Variants in MED16 observed in about 807,000 individuals in gnomAD.
MED16 encodes mediator of RNA polymerase II transcription subunit 16.
A neutral mutation model predicts 84.4 loss-of-function variants in MED16; 81 were observed. That is an observed-to-expected ratio of 0.96 (90% CI 0.80 to 1.15). MED16 has a LOEUF of 1.15. Among genes scored for constraint, MED16 ranks in the 50% most tolerant of loss-of-function variants. The pLI, the probability that MED16 is intolerant of heterozygous loss-of-function variation, is 0.00. For synonymous variants in MED16, 897 were observed against 552.2 expected (o/e 1.62, Z -8.76); for missense variants, 1,585 against 1,245.9 (o/e 1.27, Z -4.10).
chr19:871,540 A>G (rs2036055580), intron 12 of MED16: 1 of 1,580,442 alleles, frequency 6.3e-7, no homozygotes, highest in South Asian at 1.1e-5. Flanking sequence ...ACTGGGATGT[A>G]AGAATGACAC....
Position 868,485 on chromosome 19 carries a change from G to GT in MED16, c.2413dup (p.Thr805AsnfsTer27). 10 of 1,610,734 alleles carry GT rather than the reference G, an allele frequency of 6.2e-6. No individual in the cohort carries two copies. The highest frequency in any genetic ancestry group is 8.5e-6 in the Non-Finnish European group (10 of 1,179,850). On this transcript the variant is annotated frameshift_variant, in exon 15 of 16. Transcript: ENST00000325464. LOFTEE classifies it high-confidence loss of function. ...GGTTCTGTTGGGCGACTTGAGCATG[G>GT]TGACACAGCCGCACCTGCGGGGAGG... is the stretch of plus-strand genomic sequence containing the variant.
chr19:882,229 C>T lies in MED16; in HGVS notation c.986-515G>A, dbSNP rs1051572847. Among the ~76,000 whole-genome samples the T allele has an allele frequency of 7.9e-5, 12 of 152,350 alleles. No homozygotes were observed. In the South Asian group the frequency reaches 2.1e-3, roughly 26 times the overall value. The stretch of plus-strand genomic sequence containing the variant: ...CAAGCCTTAGCAAATGTGACATGGC[C>T]GGGCACAGCAGCTCACATCTGCCAC... On this transcript the variant is annotated intron_variant, in intron 6 of 15. Coordinates refer to ENST00000325464, the MANE Select transcript of MED16 (RefSeq NM_005481.3).
intron 11 of MED16, 59 bp downstream of exon 11, chr19:873,390 G>T (rs1233430903): frequency 2.6e-5 from 41 of 1,547,452 alleles, no homozygotes; most frequent in Non-Finnish European, 3.3e-5. Flanking sequence ...GGGAAGCGGG[G>T]TCCTGATGAG....
In MED16 at chr19:872,171, G is replaced by C. The variant is rs929826161; in HGVS notation, c.1906-53C>G. 2.0e-6 allele frequency: 3 copies of C among 1,502,830 alleles called. No individual in the cohort carries two copies. The African/African-American group carries it at 4.2e-5, about 21-fold the overall frequency. 93.1% of individuals were successfully genotyped at this position (1,502,830 alleles called of 1,614,324 possible). On this transcript the variant is annotated intron_variant, in intron 11 of 15. Coordinates refer to ENST00000325464, the MANE Select transcript of MED16 (RefSeq NM_005481.3). ...GGGGCGGCGGGGGGCAGATGGCGAT[G>C]GGATGAAGTGTCTTGGGGTCGGTGG... is the stretch of plus-strand genomic sequence containing the variant.
At chr19:878,182 C>G (rs2036308353) in intron 8 of MED16, among the ~76,000 whole-genome samples, 1 of 145,356 alleles carries the variant, frequency 6.9e-6, no homozygotes, top group Non-Finnish European at 1.5e-5. Flanking sequence ...CCCACCGAGC[C>G]CAGCCCCACG....
chr19:871,796 GAA>G (rs1394432047), intron 12 of MED16, 128 bp downstream of exon 12: 9 of 295,740 alleles, frequency 3.0e-5, no homozygotes, highest in Non-Finnish European at 5.5e-5. Context: ...AGAGCGGGGA[GAA>G]GGGAGAGCGG....
chr19:868,584 TC>T, intron 14 of MED16, 85 bp from the exon 15 acceptor site: 1 of 1,540,978 alleles, frequency 6.5e-7, no homozygotes, highest in South Asian at 1.2e-5. Flanking sequence ...CAGGCAGGTC[TC>T]CCTCTGCTCG....
intron 10 of MED16, among the ~76,000 whole-genome samples, chr19:874,715 A>C (rs1203051921): frequency 6.6e-6 from 1 of 152,044 alleles, no homozygotes; most frequent in Non-Finnish European, 1.5e-5. Context: ...CTGTTGCTAC[A>C]AAAAATTAAA....
At chr19:874,089 A>AACC (rs1401851469) in intron 10 of MED16, among the ~76,000 whole-genome samples, 1 of 152,100 alleles carries the variant, frequency 6.6e-6, no homozygotes, top group East Asian at 1.9e-4. Flanking sequence ...GTCCACACTC[A>AACC]ACCGGGTACT....
intron 9 of MED16, 46 bp from the exon 10 acceptor site, chr19:875,500 G>T: frequency 6.9e-7 from 1 of 1,456,760 alleles, no homozygotes; most frequent in Non-Finnish European, 9.3e-7. Flanking sequence ...GAGCAGAGGC[G>T]CCCGCCAAGG....
chr19:889,378 C>T (rs952371918), intron 4 of MED16, among the ~76,000 whole-genome samples: 8 of 152,172 alleles, frequency 5.3e-5, no homozygotes, highest in South Asian at 2.1e-4. Context: ...CGGCCACCCT[C>T]AGTTAAATGA....
At chr19:868,564 C>T in intron 14 of MED16, 65 bp from the exon 15 acceptor site, 1 of 1,580,850 alleles carries the variant, frequency 6.3e-7, no homozygotes, top group Non-Finnish European at 8.5e-7. Context: ...GCCTGCCCCA[C>T]TTTTGCTTCC....
chr19:891,141 C>T lies in MED16; in HGVS notation c.-10G>A, dbSNP rs2036623505. 2.5e-6 allele frequency: 4 copies of T among 1,608,814 alleles called. No homozygotes were observed. The South Asian group carries it at 3.3e-5, about 13-fold the overall frequency. ...GCCGCAAATCACACATGAGGGCAGTCACCAGCTCCTGCGGGAGGGAGGTGT... is the reference window on the plus strand; with the variant it reads ...GCCGCAAATCACACATGAGGGCAGTTACCAGCTCCTGCGGGAGGGAGGTGT... On this transcript the variant is annotated 5_prime_UTR_variant, in exon 2 of 16. Coordinates refer to ENST00000325464, the MANE Select transcript of MED16 (RefSeq NM_005481.3).
chr19:868,241 C>G lies in MED16; in HGVS notation c.2494G>C (p.Gly832Arg). 1 of 1,595,900 alleles carries G rather than the reference C, an allele frequency of 6.3e-7. No individual in the cohort carries two copies. Among genetic ancestry groups the G allele is most frequent in the African/African-American group, 1.3e-5 (1 of 74,750 alleles). The change falls in exon 16 of 16, where the codon GGC (glycine) becomes CGC (arginine). Residue 832 changes from glycine (G) to arginine (R), a missense_variant. Physicochemically the swap from Gly to Arg is moderately radical, Grantham distance 125 (BLOSUM62 -2). Transcript: ENST00000325464. The stretch of plus-strand genomic sequence containing the variant: ...GTCACGCAGGCGTCCGGCCCACGGC[C>G]TTCAACAGCCCTGCAGGGCGGGCTG... Reference protein sequence around the residue: ...RWIKNCLAVEGRGPDACVTSR... With the variant: ...RWIKNCLAVERRGPDACVTSR...
intron 1 of MED16, among the ~76,000 whole-genome samples, chr19:891,439 G>A (rs1274444006): frequency 6.6e-6 from 1 of 152,210 alleles, no homozygotes; most frequent in Non-Finnish European, 1.5e-5. Flanking sequence ...ACAGACCATG[G>A]GGGCCAAGGG....
At position 875,389 on chromosome 19, in the gene MED16, G is replaced by A. The variant is rs11546307; in HGVS notation, c.1626C>T (p.Thr542=). Residue 542 remains threonine, a synonymous_variant, in exon 10 of 16, where the codon ACC becomes ACT. Coordinates refer to ENST00000325464, the MANE Select transcript of MED16 (RefSeq NM_005481.3). The part of the protein sequence containing the change: ...SLCKLSPCTV[T]RVCDYHTKLF... ...GCTTGGTGTGGTAGTCGCACACGCG[G>A]GTCACCGTGCAGGGCGACAGCTTGC... 0.24 allele frequency: 386,329 copies of A among 1,608,252 alleles called. 49,152 individuals carry two copies. Among genetic ancestry groups the A allele is most frequent in the African/African-American group, 0.27 (20,469 of 74,902 alleles).
intron 8 of MED16, among the ~76,000 whole-genome samples, chr19:879,261 CTCTGGTTGTCAATG>C (rs2036351757): frequency 6.7e-6 from 1 of 150,000 alleles, no homozygotes. Context: ...GCTCGCCTTC[CTCTGGTTGTCAATG>C]CCCAGCAGCT....
intron 10 of MED16, among the ~76,000 whole-genome samples, 170 bp downstream of exon 10, chr19:875,074 G>C (rs986602225): frequency 1.3e-5 from 2 of 152,138 alleles, no homozygotes; most frequent in East Asian, 3.9e-4. Flanking sequence ...TGAGGCAGGA[G>C]AATCACTTGA....
intron 12 of MED16, 43 bp from the exon 13 acceptor site, chr19:871,296 G>T (rs1222162346): frequency 6.7e-7 from 1 of 1,500,610 alleles, no homozygotes. Flanking sequence ...CCTGACTGGG[G>T]CACCGCCCGG....
Sources: gnomAD v4.1 joint callset for allele counts (sites outside exome capture counted in the v4.1 genomes callset) on GRCh38, gnomAD v4.1.1 for gene constraint, MANE v1.5 for transcripts, NCBI Gene and HGNC (gene_info 2026-07-23, HGNC 2026-07-21) for gene names.